The following CPLANE1 variants were observed in gnomAD, a reference collection of about 807,000 sequenced individuals.
CPLANE1 encodes ciliogenesis and planar polarity effector complex subunit 1, also known as ciliogenesis and planar polarity effector 1.
CPLANE1 carries 263 observed loss-of-function variants against 362.5 expected under a neutral mutation model. The ratio of observed to expected loss-of-function variants is 0.73; its 90% CI spans 0.66 to 0.80. CPLANE1 has a LOEUF of 0.80. Ranked by LOEUF, CPLANE1 falls within the 30% of genes least tolerant of loss-of-function variation. CPLANE1 has a pLI of 0.00. For synonymous variants in CPLANE1, 1,212 were observed against 1,302.6 expected (o/e 0.93, Z 1.50); for missense variants, 3,461 against 3,793.4 (o/e 0.91, Z 2.30).
intron 46 of CPLANE1, among the ~76,000 whole-genome samples, chr5:37,130,970 C>T (rs1177916478): frequency 3.9e-5 from 6 of 152,198 alleles, no homozygotes; most frequent in Non-Finnish European, 8.8e-5. Flanking sequence ...TATATCCTTG[C>T]TTGCATCTTT....
At chr5:37,109,435 T>C (rs1758481215) in intron 51 of CPLANE1, among the ~76,000 whole-genome samples, 2 of 152,138 alleles carry the variant, frequency 1.3e-5, no homozygotes, top group South Asian at 4.1e-4. Flanking sequence ...ACACCTCTGC[T>C]CTCCCTAGCT....
downstream of CPLANE1, chr5:37,106,215 A>C (rs1757603908): frequency 6.6e-6 from 1 of 152,234 alleles, no homozygotes; most frequent in South Asian, 2.1e-4. Context: ...AAAAGAAAGA[A>C]AATCAGTATA....
At chr5:37,116,577 C>T (rs1257496328) in intron 50 of CPLANE1, among the ~76,000 whole-genome samples, 1 of 150,482 alleles carries the variant, frequency 6.6e-6, no homozygotes, top group Non-Finnish European at 1.5e-5. Context: ...CATGATCACG[C>T]CACTGCACTC....
At chr5:37,182,378 C>A (rs542813091) in intron 26 of CPLANE1, among the ~76,000 whole-genome samples, 29 of 152,252 alleles carry the variant, frequency 1.9e-4, no homozygotes, top group African/African-American at 6.7e-4. Context: ...AAAACTATCC[C>A]CTAACGGACT....
chr5:37,147,134 A>G (rs1456891749), intron 43 of CPLANE1, among the ~76,000 whole-genome samples: 1 of 152,230 alleles, frequency 6.6e-6, no homozygotes, highest in Non-Finnish European at 1.5e-5. Context: ...AAATCTGGAC[A>G]ACACAATTTA....
At chr5:37,144,455 G>A (rs1770875091) in intron 43 of CPLANE1, among the ~76,000 whole-genome samples, 1 of 150,128 alleles carries the variant, frequency 6.7e-6, no homozygotes, top group African/African-American at 2.4e-5. Flanking sequence ...GGCAACAATA[G>A]CAGAGAAGAG....
intron 12 of CPLANE1, 75 bp from the exon 13 acceptor site, chr5:37,224,815 T>C: frequency 1.1e-6 from 1 of 885,730 alleles, no homozygotes; most frequent in Non-Finnish European, 1.7e-6. Flanking sequence ...TTTAGCCTAT[T>C]TTTTTTTTTG....
chr5:37,085,049 T>A, the CPLANE1 span: 1 of 677,474 alleles, frequency 1.5e-6, no homozygotes. Context: ...CCTTGCCTAA[T>A]GCAGCCATGG....
chr5:37,228,673 G>A (rs1796989261), intron 9 of CPLANE1, among the ~76,000 whole-genome samples: 1 of 151,818 alleles, frequency 6.6e-6, no homozygotes, highest in African/African-American at 2.4e-5. Flanking sequence ...TAAAATGTGG[G>A]GGACAACATA....
At chr5:37,111,152 G>T (rs145564309) in intron 51 of CPLANE1, among the ~76,000 whole-genome samples, 7,155 of 139,812 alleles carry the variant, frequency 0.051, 232 homozygotes, top group Non-Finnish European at 0.072. Flanking sequence ...ACAGAGTCTC[G>T]CTCTGTCACT....
chr5:37,201,483 T>A (rs1789170936), intron 19 of CPLANE1, 108 bp downstream of exon 19: 1 of 847,684 alleles, frequency 1.2e-6, no homozygotes, highest in African/African-American at 1.7e-5. Flanking sequence ...TATACGTTTG[T>A]CTTTAGAGCT....
intron 43 of CPLANE1, among the ~76,000 whole-genome samples, chr5:37,147,873 A>G (rs948612146): frequency 6.6e-6 from 1 of 150,794 alleles, no homozygotes; most frequent in South Asian, 2.1e-4. Flanking sequence ...TGCAATCCTC[A>G]GCACTATGAG....
intron 6 of CPLANE1, among the ~76,000 whole-genome samples, chr5:37,241,009 A>C (rs1187734623): frequency 6.6e-6 from 1 of 151,534 alleles, no homozygotes. Flanking sequence ...GGGGGTGCGC[A>C]CCTGTAGTGT....
intron 9 of CPLANE1, among the ~76,000 whole-genome samples, chr5:37,229,165 C>T (rs1261746812): frequency 5.7e-5 from 8 of 140,920 alleles, no homozygotes; most frequent in Non-Finnish European, 9.2e-5. Flanking sequence ...TGCAGTAAGC[C>T]GAGATCACAC....
chr5:37,076,254 A>C, the CPLANE1 span, among the ~76,000 whole-genome samples: 2 of 326 alleles, frequency 6.1e-3, no homozygotes, highest in Non-Finnish European at 0.011. Flanking sequence ...ACCCTGTCTC[A>C]AAAAAAAAAA....
At chr5:37,105,707 C>T (rs1393027848), downstream of CPLANE1, among the ~76,000 whole-genome samples, 2 of 152,058 alleles carry the variant, frequency 1.3e-5, no homozygotes, top group Admixed American at 1.3e-4. Context: ...GCAAAGAAAA[C>T]CATCAACAAA....
chr5:37,213,481 C>T (rs1379377577), intron 16 of CPLANE1, 78 bp downstream of exon 16: 1 of 948,956 alleles, frequency 1.1e-6, no homozygotes, highest in African/African-American at 1.7e-5. Flanking sequence ...TGAGTAATGG[C>T]CTCTGTATAA....
At chr5:37,133,910 T>A (rs1412770679) in intron 46 of CPLANE1, among the ~76,000 whole-genome samples, 1 of 152,152 alleles carries the variant, frequency 6.6e-6, no homozygotes, top group Admixed American at 6.5e-5. Context: ...GGCTGTGGGT[T>A]TGTCATAAAT....
intron 2 of CPLANE1, 88 bp from the exon 3 acceptor site, chr5:37,245,933 G>T (rs183934748): frequency 8.0e-7 from 1 of 1,243,876 alleles, no homozygotes; most frequent in Non-Finnish European, 1.1e-6. Context: ...AAATCAAAGC[G>T]ACATTTAAGA....
Sources: allele counts gnomAD v4.1 joint callset (sites outside exome capture counted in the v4.1 genomes callset), GRCh38; gene constraint gnomAD v4.1.1; transcripts MANE v1.5; gene names NCBI Gene and HGNC (gene_info 2026-07-23, HGNC 2026-07-21).